RFX4: variants seen among roughly 807,000 people sequenced by gnomAD.
RFX4 encodes transcription factor RFX4.
Under a neutral mutation model 95.0 loss-of-function variants are expected in RFX4, and 10 were observed. That is an observed-to-expected ratio of 0.11 (90% CI 0.06 to 0.18). RFX4 has a LOEUF of 0.18. RFX4 is among the 10% of genes least tolerant of loss of function. RFX4 has a pLI of 1.00. For synonymous variants in RFX4, 321 were observed against 340.7 expected, an observed-to-expected ratio of 0.94 and a Z score of 0.64; for missense variants, 640 against 922.0, an observed-to-expected ratio of 0.69 and a Z score of 3.96.
At chr12:106,602,573 G>A (rs770057096) in intron 1 of RFX4, among the ~76,000 whole-genome samples, 35 of 152,174 alleles carry the variant, frequency 2.3e-4, no homozygotes, top group Admixed American at 5.2e-4. Context: ...CCACCTCCCC[G>A]TCAGTCACTC....
intron 3 of RFX4, among the ~76,000 whole-genome samples, chr12:106,649,041 T>A (rs1008374499): frequency 6.6e-6 from 1 of 151,958 alleles, no homozygotes; most frequent in African/African-American, 2.4e-5. Flanking sequence ...AATTCAAATA[T>A]AATCAAGTTG....
chr12:106,596,944 T>G (rs138609129), intron 1 of RFX4, among the ~76,000 whole-genome samples: 1 of 152,260 alleles, frequency 6.6e-6, no homozygotes, highest in Non-Finnish European at 1.5e-5. Flanking sequence ...CTAGGAAGCC[T>G]GGCCCAAGGG....
At chr12:106,742,002 G>T (rs1484303569) in intron 15 of RFX4, among the ~76,000 whole-genome samples, 1 of 152,104 alleles carries the variant, frequency 6.6e-6, no homozygotes, top group Non-Finnish European at 1.5e-5. Context: ...CTCACCTCTT[G>T]TGCGGCCCAG....
intron 4 of RFX4, 73 bp from the exon 5 acceptor site, chr12:106,681,920 G>A (rs2041523034): frequency 6.6e-7 from 1 of 1,505,034 alleles, no homozygotes; most frequent in Non-Finnish European, 9.2e-7. Flanking sequence ...TCTGTAGATG[G>A]CTATTTGTAA....
Position 106,720,177 on chromosome 12 carries a change from A to G in RFX4, c.1233+123A>G, listed in dbSNP as rs1025215701. 4 of 770,132 alleles carry G rather than the reference A, an allele frequency of 5.2e-6. No homozygotes were observed. In the East Asian group the frequency reaches 1.0e-4, roughly 20 times the overall value. 47.7% of individuals were successfully genotyped at this position (770,132 alleles called of 1,614,324 possible). Reference sequence around the variant, plus strand: ...GAACAGGGTTTTGAGGAGAGGCCCCAGGAGGTGGAGGGGTCAGGAGGCAGG... The same window carrying G: ...GAACAGGGTTTTGAGGAGAGGCCCCGGGAGGTGGAGGGGTCAGGAGGCAGG... On this transcript the variant is annotated intron_variant, in intron 12 of 17. Coordinates refer to ENST00000392842, the MANE Select transcript of RFX4 (RefSeq NM_213594.3). This position sits in a 1 kb window ranked among gnomAD's most constrained non-coding sequence, Gnocchi z 4.2.
chr12:106,583,304 C>T lies in RFX4; in HGVS notation c.-17C>T, dbSNP rs1254865306. ...TCAGGACTTTTGGGGGGCGCCTGTG[C>T]TGTCCATGGGAAGAGCATGCATTGT... On this transcript the variant is annotated 5_prime_UTR_variant, in exon 1 of 18. Transcript: ENST00000392842. The T allele has an allele frequency of 2.6e-5, 40 of 1,564,900 alleles. No individual in the cohort carries two copies. Among genetic ancestry groups the T allele is most frequent in the Non-Finnish European group, 3.4e-5 (40 of 1,161,238 alleles).
chr12:106,758,152 A>G (rs2043143394), intron 17 of RFX4, among the ~76,000 whole-genome samples: 1 of 152,204 alleles, frequency 6.6e-6, no homozygotes, highest in Admixed American at 6.5e-5. Context: ...AGGACCCTGT[A>G]TGAAACCGGA....
At chr12:106,759,781 C>T (rs2043177575) in intron 17 of RFX4, among the ~76,000 whole-genome samples, 1 of 152,132 alleles carries the variant, frequency 6.6e-6, no homozygotes, top group African/African-American at 2.4e-5. Context: ...TCTTTCCTAA[C>T]TGTTCTTTTG....
chr12:106,627,958 C>A (rs1026331545), intron 2 of RFX4, among the ~76,000 whole-genome samples: 6 of 152,216 alleles, frequency 3.9e-5, no homozygotes, highest in Admixed American at 3.9e-4. Flanking sequence ...ACAGGAGAGA[C>A]CTCCTGGGAC....
chr12:106,743,005 T>C (rs1418958307), intron 15 of RFX4, among the ~76,000 whole-genome samples: 1 of 152,190 alleles, frequency 6.6e-6, no homozygotes, highest in African/African-American at 2.4e-5. Context: ...CAAAGCAACC[T>C]TGGGGAAGAA....
chr12:106,602,654 T>A (rs1041477354), intron 1 of RFX4, among the ~76,000 whole-genome samples: 1 of 152,148 alleles, frequency 6.6e-6, no homozygotes, highest in Non-Finnish European at 1.5e-5. Flanking sequence ...GGGTTGGGGG[T>A]AACCTTCGCC....
At chr12:106,625,235 G>A (rs1259405506) in intron 2 of RFX4, among the ~76,000 whole-genome samples, 1 of 152,164 alleles carries the variant, frequency 6.6e-6, no homozygotes. Context: ...CAAATGCTCT[G>A]TTACGTCCCT....
chr12:106,651,407 G>T (rs931286238), intron 3 of RFX4, among the ~76,000 whole-genome samples: 2 of 152,120 alleles, frequency 1.3e-5, no homozygotes, highest in African/African-American at 4.8e-5. Context: ...TGAGACCATG[G>T]ATACCCAGTG....
chr12:106,674,503 G>C (rs984914778), intron 4 of RFX4, among the ~76,000 whole-genome samples: 1 of 151,850 alleles, frequency 6.6e-6, no homozygotes, highest in Non-Finnish European at 1.5e-5. Context: ...ACTAATTTGC[G>C]TATTTTTAGT....
At chr12:106,639,100 A>G (rs2040567872) in intron 2 of RFX4, among the ~76,000 whole-genome samples, 1 of 152,222 alleles carries the variant, frequency 6.6e-6, no homozygotes, top group African/African-American at 2.4e-5. Flanking sequence ...ACTCTAACAC[A>G]TTGTGTCAAA....
intron 17 of RFX4, among the ~76,000 whole-genome samples, chr12:106,757,547 C>CA (rs559762867): frequency 0.047 from 2,642 of 56,184 alleles, 47 homozygotes; most frequent in Admixed American, 0.099. Context: ...GACCCTGTCT[C>CA]AAAAAAAAAA....
chr12:106,588,027 C>T (rs1830572899), intron 1 of RFX4, among the ~76,000 whole-genome samples: 1 of 152,184 alleles, frequency 6.6e-6, no homozygotes, highest in Admixed American at 6.5e-5. Flanking sequence ...TTAGACAGCT[C>T]ACAGGCTGGG....
chr12:106,602,606 T>A (rs1289631784), intron 1 of RFX4, among the ~76,000 whole-genome samples: 2 of 152,172 alleles, frequency 1.3e-5, no homozygotes, highest in Non-Finnish European at 2.9e-5. Context: ...CTGAGCCTTC[T>A]TGCCATTCCT....
At chr12:106,659,485 G>A (rs2041028905) in intron 4 of RFX4, among the ~76,000 whole-genome samples, 1 of 152,196 alleles carries the variant, frequency 6.6e-6, no homozygotes, top group South Asian at 2.1e-4. Flanking sequence ...CGTTGTCCAA[G>A]CTTATTAATA....
Sources: allele counts gnomAD v4.1 joint callset (sites outside exome capture counted in the v4.1 genomes callset), GRCh38; gene constraint gnomAD v4.1.1; non-coding constraint Gnocchi (gnomAD v3.1); transcripts MANE v1.5; gene names NCBI Gene and HGNC (gene_info 2026-07-23, HGNC 2026-07-21).